PM20D2: variants seen among roughly 807,000 people sequenced by gnomAD.
PM20D2 encodes peptidase M20 domain containing 2, also known as xaa-Arg dipeptidase.
A neutral mutation model predicts 42.9 loss-of-function variants in PM20D2; 33 were observed. That is an observed-to-expected ratio of 0.77 (90% confidence interval 0.58 to 1.03). PM20D2 has a LOEUF of 1.03. PM20D2 is among the 50% of genes least tolerant of loss of function. The pLI is 0.00. For synonymous variants in PM20D2, 250 were observed against 228.2 expected (o/e 1.10, Z -0.86); for missense variants, 548 against 557.0 (o/e 0.98, Z 0.16).
the PM20D2 span, chr6:89,105,344 GA>G: frequency 6.4e-7 from 1 of 1,559,184 alleles, no homozygotes; most frequent in African/African-American, 1.4e-5. Flanking sequence ...ATCATTTACT[GA>G]AAGAATTTTA....
the PM20D2 span, among the ~76,000 whole-genome samples, chr6:89,103,294 A>G: frequency 6.6e-6 from 1 of 152,150 alleles, no homozygotes; most frequent in Non-Finnish European, 1.5e-5. Context: ...CTGGTTCACT[A>G]AGGCTGTAAT....
chr6:89,096,025 T>C, the PM20D2 span: 11 of 152,214 alleles, frequency 7.2e-5, no homozygotes, highest in African/African-American at 2.7e-4. Flanking sequence ...GAAACAATTC[T>C]ATGACAAAAG....
chr6:89,098,679 T>C, the PM20D2 span: 1 of 1,614,020 alleles, frequency 6.2e-7, no homozygotes, highest in Non-Finnish European at 8.5e-7. Context: ...GTATACCCTT[T>C]GGGAGATTTA....
At chr6:89,153,965 G>A (rs536709084) in intron 3 of PM20D2, among the ~76,000 whole-genome samples, 21 of 152,206 alleles carry the variant, frequency 1.4e-4, no homozygotes, top group Non-Finnish European at 2.8e-4. Flanking sequence ...TCAAAGTACT[G>A]TCTTGAAGGC....
At chr6:89,106,976 T>A in the PM20D2 span, 1 of 664,538 alleles carries the variant, frequency 1.5e-6, no homozygotes, top group Non-Finnish European at 2.7e-6. Context: ...AGCTAACAGG[T>A]TGGTTCAAAC....
At chr6:89,139,586 G>A in the PM20D2 span, among the ~76,000 whole-genome samples, 3 of 152,180 alleles carry the variant, frequency 2.0e-5, no homozygotes, top group Non-Finnish European at 4.4e-5. Flanking sequence ...ACTTGGACCT[G>A]TAGTTCCAGC....
the PM20D2 span, among the ~76,000 whole-genome samples, chr6:89,116,519 A>G: frequency 6.6e-6 from 1 of 152,164 alleles, no homozygotes; most frequent in Non-Finnish European, 1.5e-5. Flanking sequence ...TCATGCCTGT[A>G]ATCTCAGCGC....
chr6:89,125,859 G>T, the PM20D2 span, among the ~76,000 whole-genome samples: 106 of 152,216 alleles, frequency 7.0e-4, 1 homozygote, highest in Non-Finnish European at 8.5e-4. Context: ...GCCCAGACAG[G>T]CGGATCACTT....
the PM20D2 span, among the ~76,000 whole-genome samples, chr6:89,115,993 C>T: frequency 1.3e-5 from 2 of 152,184 alleles, no homozygotes; most frequent in Non-Finnish European, 2.9e-5. Flanking sequence ...ATTACACATA[C>T]AAAATCCAGA....
chr6:89,151,234 C>CTT (rs543608362), intron 2 of PM20D2, among the ~76,000 whole-genome samples: 1,515 of 133,212 alleles, frequency 0.011, 33 homozygotes, highest in African/African-American at 0.038. Flanking sequence ...CTTAAAAATT[C>CTT]TTTTTTTTTT....
At chr6:89,122,362 T>G in the PM20D2 span, among the ~76,000 whole-genome samples, 1 of 152,226 alleles carries the variant, frequency 6.6e-6, no homozygotes, top group Non-Finnish European at 1.5e-5. Context: ...CTGTCACTAT[T>G]TCTTCCTAAT....
chr6:89,096,459 T>C, the PM20D2 span: 6 of 152,232 alleles, frequency 3.9e-5, no homozygotes, highest in Admixed American at 3.3e-4. Flanking sequence ...ATGTACTAAA[T>C]GCTCAAAAGA....
intron 4 of PM20D2, among the ~76,000 whole-genome samples, chr6:89,155,887 T>TC (rs1177976421): frequency 4.6e-5 from 7 of 151,296 alleles, no homozygotes. Flanking sequence ...AATTTTTTTT[T>TC]TTCTTTTTTT....
chr6:89,115,545 G>C, the PM20D2 span, among the ~76,000 whole-genome samples: 1 of 151,880 alleles, frequency 6.6e-6, no homozygotes, highest in Admixed American at 6.6e-5. Context: ...GTCTCCTAAA[G>C]TGCTGGGATT....
chr6:89,103,991 C>CTTTTTTTTT, the PM20D2 span, among the ~76,000 whole-genome samples: 37 of 81,962 alleles, frequency 4.5e-4, 4 homozygotes, highest in African/African-American at 1.6e-3. Flanking sequence ...TATTATATTT[C>CTTTTTTTTT]TTTTTTTTTT....
At chr6:89,121,118 G>T in the PM20D2 span, among the ~76,000 whole-genome samples, 8 of 151,916 alleles carry the variant, frequency 5.3e-5, no homozygotes, top group African/African-American at 1.9e-4. Context: ...TGGATAGGGG[G>T]TGTTTTTTCT....
chr6:89,117,064 T>C, the PM20D2 span, among the ~76,000 whole-genome samples: 1 of 152,000 alleles, frequency 6.6e-6, no homozygotes, highest in East Asian at 1.9e-4. Context: ...TCAGCTCCAT[T>C]AAGGAAGGAA....
the PM20D2 span, among the ~76,000 whole-genome samples, chr6:89,137,899 T>C: frequency 1.5e-3 from 222 of 152,300 alleles, 1 homozygote; most frequent in African/African-American, 5.2e-3. Flanking sequence ...ATATAAACCA[T>C]TGGACATTCC....
the PM20D2 span, chr6:89,117,776 AC>A: frequency 2.6e-6 from 4 of 1,511,644 alleles, no homozygotes; most frequent in East Asian, 1.2e-4. Context: ...CGCGGCTGTT[AC>A]CCCGCCCCTC....
Sources: gnomAD v4.1 joint callset for allele counts (sites outside exome capture counted in the v4.1 genomes callset) on GRCh38, gnomAD v4.1.1 for gene constraint, MANE v1.5 for transcripts, NCBI Gene and HGNC (gene_info 2026-07-23, HGNC 2026-07-21) for gene names.